Variants in MACROD2 observed in about 807,000 individuals in gnomAD.
The protein encoded by MACROD2 is mono-ADP ribosylhydrolase 2.
Under a neutral mutation model 70.4 loss-of-function variants are expected in MACROD2, and 36 were observed. The ratio of observed to expected loss-of-function variants is 0.51; its 90% CI spans 0.39 to 0.68. MACROD2 has a LOEUF of 0.68. MACROD2 is among the 30% of genes least tolerant of loss of function. The probability of loss-of-function intolerance (pLI) is 0.00; values close to 1 mark genes in which losing one functional copy is unlikely to be tolerated. For missense variants in MACROD2, 496 were observed against 538.4 expected (o/e 0.92, Z 0.78); for synonymous variants, 172 against 178.8 (o/e 0.96, Z 0.30).
intron 7 of MACROD2, among the ~76,000 whole-genome samples, chr20:15,490,463 G>A (rs1382395520): frequency 6.6e-6 from 1 of 151,934 alleles, no homozygotes; most frequent in East Asian, 1.9e-4. Context: ...ATCTCTCTAT[G>A]TTGCCAAGAC....
At chr20:14,273,659 G>A (rs1296803786) in intron 3 of MACROD2, among the ~76,000 whole-genome samples, 1 of 151,108 alleles carries the variant, frequency 6.6e-6, no homozygotes, top group African/African-American at 2.4e-5. Context: ...CAGAACTGAA[G>A]GAAATAGAGA....
At chr20:15,079,385 C>CCTGTCACTACCAGTGAGTGACTGG (rs1029677519) in intron 5 of MACROD2, among the ~76,000 whole-genome samples, 17 of 152,182 alleles carry the variant, frequency 1.1e-4, no homozygotes, top group Admixed American at 9.8e-4. Flanking sequence ...TCTACCCATC[C>CCTGTCACTACCAGTGAGTGACTGG]TCACTCACTC....
intron 10 of MACROD2, among the ~76,000 whole-genome samples, chr20:15,917,517 C>A (rs1300249545): frequency 6.6e-6 from 1 of 152,166 alleles, no homozygotes; most frequent in Non-Finnish European, 1.5e-5. Context: ...CTTTCTATGG[C>A]AATGGGAATT....
intron 5 of MACROD2, among the ~76,000 whole-genome samples, chr20:14,887,457 A>T (rs1275873404): frequency 4.0e-5 from 6 of 149,416 alleles, no homozygotes; most frequent in Non-Finnish European, 7.4e-5. Context: ...CAGTGGCATG[A>T]TGTCGGCTCA....
chr20:14,558,853 G>A (rs1487244700), intron 4 of MACROD2, among the ~76,000 whole-genome samples: 1 of 151,576 alleles, frequency 6.6e-6, no homozygotes, highest in Non-Finnish European at 1.5e-5. Flanking sequence ...ACTGTATTAG[G>A]TATTGAAGTG....
At chr20:15,994,534 T>TA (rs2066601893) in intron 15 of MACROD2, among the ~76,000 whole-genome samples, 1 of 152,198 alleles carries the variant, frequency 6.6e-6, no homozygotes, top group African/African-American at 2.4e-5. Flanking sequence ...GTCCTACTTC[T>TA]AAATCACTTT....
intron 5 of MACROD2, among the ~76,000 whole-genome samples, chr20:15,073,100 C>T (rs2075631338): frequency 1.3e-5 from 2 of 152,114 alleles, no homozygotes; most frequent in Non-Finnish European, 2.9e-5. Context: ...TTTCCAGCCT[C>T]TAGAACTGTG....
At position 14,681,744 on chromosome 20, in the gene MACROD2, A is replaced by G. The variant is rs565189917; in HGVS notation, c.302-3099A>G. 1.2e-4 allele frequency among the ~76,000 whole-genome samples: 19 copies of G among 152,330 alleles called. No individual in the cohort carries two copies. The South Asian group carries it at 3.7e-3, about 30-fold the overall frequency. The stretch of plus-strand genomic sequence containing the variant: ...CTGTACATTTGATTGTGTGTACATT[A>G]TAAGTCATAAATAGAATGGATGGGA... On this transcript the variant is annotated intron_variant, in intron 4 of 17. Transcript: ENST00000684519.
chr20:14,394,348 A>G (rs193182699), intron 3 of MACROD2, among the ~76,000 whole-genome samples: 26 of 152,322 alleles, frequency 1.7e-4, no homozygotes, highest in Middle Eastern at 6.8e-3. Flanking sequence ...ATTTATACCT[A>G]AATATTACAT....
At chr20:14,674,680 C>G (rs182473188) in intron 4 of MACROD2, among the ~76,000 whole-genome samples, 42 of 152,308 alleles carry the variant, frequency 2.8e-4, no homozygotes, top group Non-Finnish European at 5.4e-4. Context: ...GCACACAGCA[C>G]ATCTTCAAAA....
intron 10 of MACROD2, among the ~76,000 whole-genome samples, chr20:15,919,395 A>AT (rs1163066823): frequency 6.6e-6 from 1 of 151,934 alleles, no homozygotes; most frequent in Non-Finnish European, 1.5e-5. Flanking sequence ...ACCCTAGAAA[A>AT]TTTTTTTCCT....
chr20:14,102,113 C>G (rs1450043888), intron 3 of MACROD2, among the ~76,000 whole-genome samples: 2 of 149,344 alleles, frequency 1.3e-5, no homozygotes, highest in Non-Finnish European at 3.0e-5. Context: ...AAGTGATTCT[C>G]CTGCCTCAGC....
intron 6 of MACROD2, among the ~76,000 whole-genome samples, chr20:15,299,943 A>G (rs1430796510): frequency 6.6e-6 from 1 of 152,162 alleles, no homozygotes; most frequent in Admixed American, 6.5e-5. Context: ...TTGAGTAGAA[A>G]CATCTAGCTT....
At chr20:14,778,563 G>T (rs370110779) in intron 5 of MACROD2, among the ~76,000 whole-genome samples, 4 of 152,106 alleles carry the variant, frequency 2.6e-5, no homozygotes, top group African/African-American at 7.3e-5. Flanking sequence ...CTCAGCCAGC[G>T]GGGCAATGTG....
intron 3 of MACROD2, among the ~76,000 whole-genome samples, chr20:14,419,583 G>A (rs1426838069): frequency 2.0e-5 from 3 of 152,024 alleles, no homozygotes; most frequent in African/African-American, 4.8e-5. Flanking sequence ...GCTGCTATGT[G>A]TATTTAGACC....
At chr20:14,692,928 T>C (rs1297709594) in intron 5 of MACROD2, among the ~76,000 whole-genome samples, 2 of 152,214 alleles carry the variant, frequency 1.3e-5, no homozygotes, top group East Asian at 3.8e-4. Context: ...TGTTGTCTTT[T>C]AAAAAATATC....
At chr20:15,747,252 G>C (rs542133245) in intron 8 of MACROD2, among the ~76,000 whole-genome samples, 2 of 152,138 alleles carry the variant, frequency 1.3e-5, no homozygotes, top group Non-Finnish European at 2.9e-5. Flanking sequence ...GCAGACATGA[G>C]TAAGAACATG....
chr20:15,020,703 C>T (rs1467365385), intron 5 of MACROD2, among the ~76,000 whole-genome samples: 1 of 152,006 alleles, frequency 6.6e-6, no homozygotes, highest in Non-Finnish European at 1.5e-5. Flanking sequence ...CAAACTTGTA[C>T]ATGTTACTGT....
intron 3 of MACROD2, among the ~76,000 whole-genome samples, chr20:14,178,300 CA>C (rs1343158075): frequency 6.6e-6 from 1 of 152,002 alleles, no homozygotes; most frequent in Non-Finnish European, 1.5e-5. Context: ...ATTGAAATAT[CA>C]AATTTTAACC....
Sources: gnomAD v4.1 joint callset for allele counts (sites outside exome capture counted in the v4.1 genomes callset) on GRCh38, gnomAD v4.1.1 for gene constraint, MANE v1.5 for transcripts, NCBI Gene and HGNC (gene_info 2026-07-23, HGNC 2026-07-21) for gene names.